Variants in CPNE1 observed in about 807,000 individuals in gnomAD.
CPNE1 encodes the protein copine-1.
A neutral mutation model predicts 63.2 loss-of-function variants in CPNE1; 58 were observed. That is an observed-to-expected ratio of 0.92 (90% CI 0.74 to 1.14). The LOEUF is 1.14. CPNE1 is among the 50% of genes most tolerant of loss of function. The pLI, the probability that CPNE1 is intolerant of heterozygous loss-of-function variation, is 0.00. For synonymous variants in CPNE1, 237 were observed against 249.0 expected (o/e 0.95, Z 0.45); for missense variants, 672 against 661.7 (o/e 1.02, Z -0.17).
intron 1 of CPNE1, among the ~76,000 whole-genome samples, chr20:35,645,426 G>C (rs999028218): frequency 1.3e-5 from 2 of 152,178 alleles, no homozygotes; most frequent in Non-Finnish European, 2.9e-5. Context: ...GCCACTACCT[G>C]GTTCCCGTGG....
rs143661266 is a variant in CPNE1, at chr20:35,626,354, C to T, written c.1501G>A (p.Val501Met). ...NAPREALAQT[V>M]LAEVPTQLVS... ...AGTTGTGTGGGCACTTCTGCGAGCA[C>T]GGTCTGTGCCAATGCCTCCCGAGGG... The change falls in exon 16 of 16, where the codon GTG becomes ATG. Residue 501 changes from valine to methionine, a missense_variant. Physicochemically the swap from Val to Met is conservative, Grantham distance 21. Coordinates refer to ENST00000397443, the MANE Select transcript of CPNE1 (RefSeq NM_152925.3). 6.8e-6 allele frequency: 11 copies of T among 1,614,004 alleles called. No individual in the cohort carries two copies. The highest frequency in any genetic ancestry group is 5.5e-5 in the South Asian group (5 of 91,080).
intron 1 of CPNE1, among the ~76,000 whole-genome samples, chr20:35,656,624 T>A (rs1361775361): frequency 6.6e-6 from 1 of 152,240 alleles, no homozygotes; most frequent in Non-Finnish European, 1.5e-5. Flanking sequence ...AACCTCCACC[T>A]CCCAGGTTCA....
At position 35,626,288 on chromosome 20, in the gene CPNE1, G is replaced by A; in HGVS notation, c.1567C>T (p.Pro523Ser). The A allele has an allele frequency of 6.2e-7, 1 of 1,614,090 alleles. No individual in the cohort carries two copies. The highest frequency in any genetic ancestry group is 8.5e-7 in the Non-Finnish European group (1 of 1,179,996). ...GGATCCTTGGCTGAGGGTGGAAGTGGCTTGAGCGGGGCCCAACCCTGGGCC... is the reference window on the plus strand; with the variant it reads ...GGATCCTTGGCTGAGGGTGGAAGTGACTTGAGCGGGGCCCAACCCTGGGCC... The part of the protein sequence containing the change: ...FRAQGWAPLK[P>S]LPPSAKDPAQ... The change falls in exon 16 of 16, where the codon CCA becomes TCA. Residue 523 changes from proline to serine, a missense_variant. Coordinates refer to ENST00000397443, the MANE Select transcript of CPNE1 (RefSeq NM_152925.3).
At chr20:35,655,009 G>A (rs757411439) in intron 1 of CPNE1, 6 of 1,614,056 alleles carry the variant, frequency 3.7e-6, no homozygotes, top group African/African-American at 1.3e-5. Flanking sequence ...TGGTGGTCCT[G>A]ATCTACTGGC....
intron 1 of CPNE1, among the ~76,000 whole-genome samples, chr20:35,660,522 C>T (rs572136662): frequency 6.6e-6 from 1 of 152,152 alleles, no homozygotes; most frequent in South Asian, 2.1e-4. Flanking sequence ...CCTGGCCTAG[C>T]CTAACTAAGT....
chr20:35,652,875 A>AG, intron 1 of CPNE1: 1 of 1,613,236 alleles, frequency 6.2e-7, no homozygotes, highest in Non-Finnish European at 8.5e-7. Context: ...CCAAATGCCC[A>AG]GGGGCACTTC....
intron 1 of CPNE1, among the ~76,000 whole-genome samples, chr20:35,637,436 C>T (rs1054037360): frequency 3.3e-5 from 5 of 152,140 alleles, no homozygotes; most frequent in Non-Finnish European, 5.9e-5. Flanking sequence ...TTGCCATCAG[C>T]TCTACCTCCT....
At chr20:35,654,402 A>G (rs768441970) in intron 1 of CPNE1, 9 of 1,614,272 alleles carry the variant, frequency 5.6e-6, no homozygotes, top group Non-Finnish European at 6.8e-6. Context: ...TTCCATGCAC[A>G]CTGACATACA....
intron 1 of CPNE1, among the ~76,000 whole-genome samples, chr20:35,636,813 TACTTCAATTGTAAACTTCCATTTTAA>T (rs2032510937): frequency 6.6e-6 from 1 of 152,182 alleles, no homozygotes; most frequent in South Asian, 2.1e-4. Flanking sequence ...GACCATTTTT[TACTTCAATTGTAAACTTCCATTTTAA>T]ACTTCAATTG....
At chr20:35,658,842 A>G (rs1164748208) in intron 1 of CPNE1, 4 of 672,812 alleles carry the variant, frequency 5.9e-6, no homozygotes, top group African/African-American at 5.6e-5. Flanking sequence ...CACACACAAT[A>G]TAGTTGCTAC....
intron 1 of CPNE1, among the ~76,000 whole-genome samples, chr20:35,657,492 C>A (rs902534627): frequency 6.6e-6 from 1 of 152,164 alleles, no homozygotes. Context: ...CTAGTTTGCA[C>A]TGGGACAATC....
At chr20:35,638,015 T>G (rs528090892) in intron 1 of CPNE1, among the ~76,000 whole-genome samples, 18 of 152,372 alleles carry the variant, frequency 1.2e-4, no homozygotes, top group African/African-American at 4.1e-4. Flanking sequence ...CTACAGTAGA[T>G]ACTCATCAGT....
At chr20:35,632,726 T>A in intron 2 of CPNE1, 30 bp from the exon 3 acceptor site, 2 of 886,566 alleles carry the variant, frequency 2.3e-6, no homozygotes, top group Non-Finnish European at 3.9e-6. Flanking sequence ...AGCATCACAG[T>A]CACAGCCTCC....
chr20:35,638,421 T>C (rs1470169178), intron 1 of CPNE1, among the ~76,000 whole-genome samples: 1 of 152,152 alleles, frequency 6.6e-6, no homozygotes, highest in Admixed American at 6.6e-5. Flanking sequence ...GCGTTAATTA[T>C]CAGGGAAATG....
At chr20:35,630,682 C>T in intron 12 of CPNE1, 59 bp downstream of exon 12, 5 of 1,585,572 alleles carry the variant, frequency 3.2e-6, no homozygotes, top group Non-Finnish European at 4.3e-6. Context: ...TTTACCACAT[C>T]CCCCAAAATC....
rs201813494 is a variant in CPNE1, at chr20:35,632,618, T to C, written c.208A>G (p.Thr70Ala). 20 of 1,576,268 alleles carry C rather than the reference T, an allele frequency of 1.3e-5. No individual in the cohort carries two copies. In the East Asian group the frequency reaches 4.3e-4, roughly 34 times the overall value. The change falls in exon 3 of 16, where the codon ACA (threonine) becomes GCA (alanine). Residue 70 changes from threonine to alanine, a missense_variant. By Grantham distance (58) the Thr-to-Ala change is moderately conservative. Coordinates refer to ENST00000397443, the MANE Select transcript of CPNE1 (RefSeq NM_152925.3). Reference protein sequence around the residue: ...KTLQLEYRFETVQKLRFGIYD... With the variant: ...KTLQLEYRFEAVQKLRFGIYD... Reference sequence around the variant, plus strand: ...ATTCCAAAGCGTAGCTTCTGGACTGTCTCAAAGCGGTACTCAAGCTGTAGA... The same window carrying C: ...ATTCCAAAGCGTAGCTTCTGGACTGCCTCAAAGCGGTACTCAAGCTGTAGA...
intron 1 of CPNE1, among the ~76,000 whole-genome samples, chr20:35,648,539 G>A (rs1428979787): frequency 2.0e-5 from 3 of 152,144 alleles, no homozygotes; most frequent in South Asian, 4.1e-4. Flanking sequence ...GTCAAATCCC[G>A]ATTATTTAAT....
At chr20:35,636,149 T>C (rs1273089465) in intron 1 of CPNE1, among the ~76,000 whole-genome samples, 1 of 152,222 alleles carries the variant, frequency 6.6e-6, no homozygotes, top group Non-Finnish European at 1.5e-5. Context: ...GCAGTTCTTT[T>C]GGCTGTTGCC....
At chr20:35,628,125 CAAAAA>C (rs1189315178) in intron 13 of CPNE1, among the ~76,000 whole-genome samples, 1 of 146,346 alleles carries the variant, frequency 6.8e-6, no homozygotes. Flanking sequence ...ACTAAAAATA[CAAAAA>C]AAAAACTAGC....
Sources: allele counts gnomAD v4.1 joint callset (sites outside exome capture counted in the v4.1 genomes callset), GRCh38; gene constraint gnomAD v4.1.1; transcripts MANE v1.5; gene names NCBI Gene and HGNC (gene_info 2026-07-23, HGNC 2026-07-21).